Variants in SV2B observed in about 807,000 individuals in gnomAD.
The protein encoded by SV2B is synaptic vesicle glycoprotein 2B, also known as solute carrier family 22 member B2.
Under a neutral mutation model 73.9 loss-of-function variants are expected in SV2B, and 41 were observed. The ratio of observed to expected loss-of-function variants is 0.56; its 90% CI spans 0.43 to 0.72. SV2B has a LOEUF of 0.72. SV2B is among the 30% of genes least tolerant of loss of function. The pLI is 0.00. For synonymous variants in SV2B, 314 were observed against 314.2 expected (o/e 1.00, Z 0.01); for missense variants, 764 against 857.8 (o/e 0.89, Z 1.37).
intron 9 of SV2B, among the ~76,000 whole-genome samples, chr15:91,272,794 C>G (rs116922550): frequency 0.053 from 7,887 of 149,994 alleles, 301 homozygotes; most frequent in Middle Eastern, 0.083. Context: ...CGCCAAGGCT[C>G]CTTTGGGGAG....
rs1467276097 is a variant in SV2B, at chr15:91,301,337, G to A, written c.*8785G>A. 5 of 152,060 alleles carry A rather than the reference G, an allele frequency of 3.3e-5. No individual in the cohort carries two copies. The highest frequency in any genetic ancestry group is 1.2e-4 in the African/African-American group (5 of 41,374). 9.4% of individuals were successfully genotyped at this position (152,060 alleles called of 1,614,324 possible). ...TTTGGTCTCTCTTCATATTTTTCGT[G>A]GTTTCATTTATCTCTCCCTTCAGAT... On this transcript the variant is annotated 3_prime_UTR_variant, in exon 13 of 13. Transcript: ENST00000394232. The surrounding 1 kb of genome is among the most constrained non-coding windows in gnomAD (Gnocchi z 4.3).
intron 1 of SV2B, among the ~76,000 whole-genome samples, chr15:91,184,650 G>C (rs949329842): frequency 2.0e-5 from 3 of 151,898 alleles, no homozygotes; most frequent in African/African-American, 4.8e-5. Context: ...TTCTTCCTTT[G>C]TGATCTTGAA....
intron 1 of SV2B, among the ~76,000 whole-genome samples, chr15:91,201,796 C>G (rs1470244276): frequency 6.6e-6 from 1 of 152,192 alleles, no homozygotes; most frequent in African/African-American, 2.4e-5. Context: ...TCCACCACTC[C>G]CATCCCTAAC....
intron 1 of SV2B, among the ~76,000 whole-genome samples, chr15:91,218,178 T>C (rs1251114007): frequency 6.6e-6 from 1 of 152,198 alleles, no homozygotes; most frequent in African/African-American, 2.4e-5. Context: ...TTTATTGTTC[T>C]GGACAGTTGT....
At chr15:91,226,817 C>T in intron 2 of SV2B, 103 bp downstream of exon 2, 1 of 1,366,826 alleles carries the variant, frequency 7.3e-7, no homozygotes, top group Non-Finnish European at 9.7e-7. Context: ...CACAATGTAC[C>T]CATTTTGCTG....
chr15:91,208,939 G>A (rs2045743782), intron 1 of SV2B, among the ~76,000 whole-genome samples: 1 of 151,964 alleles, frequency 6.6e-6, no homozygotes, highest in African/African-American at 2.4e-5. Context: ...CAGTTGTGCA[G>A]GAATGCAATC....
Position 91,301,996 on chromosome 15 carries a change from C to T in SV2B, c.*9444C>T, listed in dbSNP as rs1159427966. On this transcript the variant is annotated 3_prime_UTR_variant, in exon 13 of 13. Coordinates refer to ENST00000394232, the MANE Select transcript of SV2B (RefSeq NM_001323032.3). This position sits in a 1 kb window ranked among gnomAD's most constrained non-coding sequence, Gnocchi z 4.3. The stretch of plus-strand genomic sequence containing the variant: ...GTATAATCACCCCACCAAACCTCTT[C>T]CAAAAGAAGCCAGGGTCATCTGCTG... 6.6e-6 allele frequency among the ~76,000 whole-genome samples: 1 copy of T among 152,210 alleles called. No individual in the cohort carries two copies. The highest frequency in any genetic ancestry group is 2.4e-5 in the African/African-American group (1 of 41,456).
At chr15:91,146,938 C>T (rs186233676) in intron 1 of SV2B, among the ~76,000 whole-genome samples, 5 of 152,310 alleles carry the variant, frequency 3.3e-5, no homozygotes, top group African/African-American at 1.2e-4. Flanking sequence ...CAGAATGCCT[C>T]CTTTGATCAA....
intron 9 of SV2B, among the ~76,000 whole-genome samples, chr15:91,275,136 T>G (rs2048441698): frequency 6.6e-6 from 1 of 152,200 alleles, no homozygotes; most frequent in African/African-American, 2.4e-5. Context: ...ATTGTAATTA[T>G]TTATATGGTT....
intron 1 of SV2B, among the ~76,000 whole-genome samples, chr15:91,221,009 G>A (rs2046193724): frequency 6.6e-6 from 1 of 152,048 alleles, no homozygotes; most frequent in Non-Finnish European, 1.5e-5. Flanking sequence ...GATTACAGGT[G>A]TGTGCAACCA....
intron 2 of SV2B, among the ~76,000 whole-genome samples, chr15:91,230,542 T>G (rs2046536975): frequency 6.6e-6 from 1 of 152,218 alleles, no homozygotes; most frequent in Non-Finnish European, 1.5e-5. Flanking sequence ...TATGTTTTAT[T>G]GGATCTTCAT....
chr15:91,296,463 A>ATTGGGAGCACACTCCTTCTGCCCGATCG lies in SV2B; in HGVS notation c.*3933_*3934insCGATCGTTGGGAGCACACTCCTTCTGCC, dbSNP rs2049228170. On this transcript the variant is annotated 3_prime_UTR_variant, in exon 13 of 13. Transcript: ENST00000394232. The stretch of plus-strand genomic sequence containing the variant: ...GGGAGCACACTCCTTCTGCCCGATC[A>ATTGGGAGCACACTCCTTCTGCCCGATCG]TTGGGAGCACACTCCTTCTGCCTGA... 6.7e-6 allele frequency: 1 copy of ATTGGGAGCACACTCCTTCTGCCCGATCG among 149,262 alleles called. No individual in the cohort carries two copies. The highest frequency in any genetic ancestry group is 1.5e-5 in the Non-Finnish European group (1 of 67,014). 9.2% of individuals were successfully genotyped at this position (149,262 alleles called of 1,614,324 possible).
At position 91,124,267 on chromosome 15, in the gene SV2B, T is replaced by C. The variant is rs986319088; in HGVS notation, c.-392+23904T>C. Reference sequence around the variant, plus strand: ...TCGGGGAAGTCACGAATCTGTCATTTGCGATTTTAGTTTTTGTGTCTGTGG... The same window carrying C: ...TCGGGGAAGTCACGAATCTGTCATTCGCGATTTTAGTTTTTGTGTCTGTGG... On this transcript the variant is annotated intron_variant, in intron 1 of 12. Coordinates refer to ENST00000394232, the MANE Select transcript of SV2B (RefSeq NM_001323032.3). The surrounding 1 kb of genome is among the most constrained non-coding windows in gnomAD (Gnocchi z 4.6). Among the ~76,000 whole-genome samples, 1 of 152,210 alleles carries C rather than the reference T, an allele frequency of 6.6e-6. No homozygotes were observed. The highest frequency in any genetic ancestry group is 2.4e-5 in the African/African-American group (1 of 41,458).
intron 1 of SV2B, among the ~76,000 whole-genome samples, chr15:91,191,980 C>T (rs972454907): frequency 2.0e-5 from 3 of 152,078 alleles, no homozygotes; most frequent in African/African-American, 7.2e-5. Context: ...TTTTATTTTT[C>T]TGGCGGTTAC....
intron 1 of SV2B, among the ~76,000 whole-genome samples, chr15:91,202,241 C>T (rs1431155487): frequency 6.6e-6 from 1 of 152,140 alleles, no homozygotes; most frequent in African/African-American, 2.4e-5. Context: ...TATTTCCTGC[C>T]CTCTCTCCAC....
At chr15:91,178,692 A>T (rs564400534) in intron 1 of SV2B, among the ~76,000 whole-genome samples, 60 of 151,518 alleles carry the variant, frequency 4.0e-4, no homozygotes, top group Non-Finnish European at 5.3e-4. Flanking sequence ...AGGTGTTTGT[A>T]GTATTCTCTG....
intron 1 of SV2B, among the ~76,000 whole-genome samples, chr15:91,113,732 T>A (rs1159276147): frequency 6.6e-6 from 1 of 152,230 alleles, no homozygotes; most frequent in Non-Finnish European, 1.5e-5. Context: ...GAATCCCATA[T>A]CATTTTTAAA....
chr15:91,211,608 A>G (rs1189983597), intron 1 of SV2B, among the ~76,000 whole-genome samples: 18 of 151,288 alleles, frequency 1.2e-4, no homozygotes, highest in African/African-American at 4.1e-4. Flanking sequence ...GGTTCAAGCA[A>G]TTCTTCTGCC....
intron 1 of SV2B, among the ~76,000 whole-genome samples, chr15:91,148,685 A>G (rs1567291878): frequency 6.6e-6 from 1 of 152,204 alleles, no homozygotes. Context: ...ATTGATTCAC[A>G]TGATTTTGCA....
Sources: allele counts gnomAD v4.1 joint callset (sites outside exome capture counted in the v4.1 genomes callset), GRCh38; gene constraint gnomAD v4.1.1; non-coding constraint Gnocchi (gnomAD v3.1); transcripts MANE v1.5; gene names NCBI Gene and HGNC (gene_info 2026-07-23, HGNC 2026-07-21).